Variants in CALN1 observed in about 807,000 individuals in gnomAD.
CALN1 encodes calneuron 1, also known as calcium-binding protein 8.
A neutral mutation model predicts 30.6 loss-of-function variants in CALN1; 17 were observed. The observed-to-expected ratio is 0.56, with a 90% confidence interval of 0.38 to 0.83. CALN1 has a LOEUF of 0.83. Among genes scored for constraint, CALN1 ranks in the 40% least tolerant of loss-of-function variants. CALN1 has a pLI of 0.00. For missense variants in CALN1, 291 were observed against 354.9 expected, an observed-to-expected ratio of 0.82 and a Z score of 1.45; for synonymous variants, 156 against 131.4, an observed-to-expected ratio of 1.19 and a Z score of -1.28.
rs1455817968 is a variant in CALN1 at position 72,329,778 on chromosome 7, A to AC, written c.120-50969dup. Among the ~76,000 whole-genome samples the AC allele has an allele frequency of 3.3e-5, 5 of 151,480 alleles. No homozygotes were observed. In the South Asian group the frequency reaches 6.3e-4, roughly 19 times the overall value. Reference sequence around the variant, plus strand: ...AGACCAGCGCGGCCAACATGGTGAGACCCCGTCACTACTAAAAATCCACAA... The same window carrying AC: ...AGACCAGCGCGGCCAACATGGTGAGACCCCCGTCACTACTAAAAATCCACAA... On this transcript the variant is annotated intron_variant, in intron 2 of 6. Coordinates refer to ENST00000395275, the MANE Select transcript of CALN1 (RefSeq NM_031468.4).
At chr7:72,324,695 C>T (rs1276700568) in intron 2 of CALN1, among the ~76,000 whole-genome samples, 2 of 152,070 alleles carry the variant, frequency 1.3e-5, no homozygotes, top group African/African-American at 4.8e-5. Context: ...GATTCTCCTG[C>T]CTCAGCCTCC....
intron 3 of CALN1, among the ~76,000 whole-genome samples, chr7:72,246,753 A>ATTTCTTT (rs1795191884): frequency 8.6e-6 from 1 of 116,572 alleles, no homozygotes; most frequent in Non-Finnish European, 1.7e-5. Flanking sequence ...TACCAGAACA[A>ATTTCTTT]TTTTTTTTTT....
chr7:72,413,385 T>G (rs952032144), upstream of CALN1, among the ~76,000 whole-genome samples: 1 of 151,308 alleles, frequency 6.6e-6, no homozygotes, highest in Non-Finnish European at 1.5e-5. Flanking sequence ...ACGAACATAC[T>G]CATACATGCA....
chr7:72,344,911 T>A (rs991642597), intron 2 of CALN1, among the ~76,000 whole-genome samples: 2 of 147,626 alleles, frequency 1.4e-5, no homozygotes, highest in Non-Finnish European at 3.0e-5. Context: ...CATATATAAA[T>A]GTATATGTGA....
intron 2 of CALN1, among the ~76,000 whole-genome samples, chr7:72,347,269 C>A (rs370233830): frequency 6.7e-6 from 1 of 148,812 alleles, no homozygotes. Context: ...TTTTTTGAGA[C>A]GGAGTTCCCC....
chr7:72,043,465 C>A (rs1194057653), intron 4 of CALN1, among the ~76,000 whole-genome samples: 1 of 152,120 alleles, frequency 6.6e-6, no homozygotes, highest in East Asian at 1.9e-4. Context: ...TATCAGTTAA[C>A]CATAGCAGAG....
chr7:72,073,159 T>C (rs1391769680), intron 4 of CALN1, among the ~76,000 whole-genome samples: 1 of 152,124 alleles, frequency 6.6e-6, no homozygotes, highest in Non-Finnish European at 1.5e-5. Flanking sequence ...AAAAGACAAA[T>C]ATTGCATGAT....
At chr7:71,925,108 G>C in intron 5 of CALN1, among the ~76,000 whole-genome samples, 1 of 152,060 alleles carries the variant, frequency 6.6e-6, no homozygotes, top group East Asian at 1.9e-4. Flanking sequence ...GGGCATGGTG[G>C]CACATGCTTG....
intron 4 of CALN1, among the ~76,000 whole-genome samples, chr7:72,041,253 G>GTAC (rs1802106998): frequency 1.3e-5 from 2 of 152,132 alleles, no homozygotes; most frequent in South Asian, 4.2e-4. Flanking sequence ...TTAGTCTCTA[G>GTAC]TAATGTTCAA....
intron 2 of CALN1, among the ~76,000 whole-genome samples, chr7:72,327,446 G>C (rs147989959): frequency 3.5e-4 from 53 of 152,298 alleles, no homozygotes; most frequent in African/African-American, 1.2e-3. Context: ...CTGAGATCAC[G>C]GCACTGCACT....
intron 5 of CALN1, among the ~76,000 whole-genome samples, chr7:71,974,387 C>T (rs1424332227): frequency 8.0e-6 from 1 of 124,956 alleles, no homozygotes; most frequent in Non-Finnish European, 1.6e-5. Flanking sequence ...CACTGCACTC[C>T]AGCTTGGGTG....
At chr7:72,123,001 G>T (rs1345931052) in intron 3 of CALN1, among the ~76,000 whole-genome samples, 1 of 152,152 alleles carries the variant, frequency 6.6e-6, no homozygotes, top group Non-Finnish European at 1.5e-5. Flanking sequence ...ATTTTGTTAT[G>T]GGGGAGAGAG....
intron 5 of CALN1, among the ~76,000 whole-genome samples, chr7:71,856,750 T>G (rs1282361150): frequency 6.6e-6 from 1 of 151,374 alleles, no homozygotes; most frequent in Non-Finnish European, 1.5e-5. Context: ...AGGTCAGGAG[T>G]TCAAGACCAG....
chr7:72,402,703 T>G (rs961328349), intron 2 of CALN1, among the ~76,000 whole-genome samples: 3 of 152,174 alleles, frequency 2.0e-5, no homozygotes, highest in Non-Finnish European at 4.4e-5. Flanking sequence ...CACCCCGAAC[T>G]GACCGCATCA....
intron 4 of CALN1, among the ~76,000 whole-genome samples, chr7:72,024,769 C>T (rs113923059): frequency 0.036 from 5,420 of 152,172 alleles, 356 homozygotes; most frequent in African/African-American, 0.12. Context: ...ATCTCTTTTG[C>T]ATCAATTTGT....
intron 5 of CALN1, among the ~76,000 whole-genome samples, chr7:71,945,719 G>A (rs939418574): frequency 6.6e-6 from 1 of 152,186 alleles, no homozygotes; most frequent in South Asian, 2.1e-4. Flanking sequence ...TCGTCTAGCT[G>A]CAGGAAAACA....
At chr7:72,225,384 C>A (rs987312796) in intron 3 of CALN1, among the ~76,000 whole-genome samples, 1 of 152,040 alleles carries the variant, frequency 6.6e-6, no homozygotes, top group African/African-American at 2.4e-5. Context: ...GTGCCAATTA[C>A]CATTCCCTGG....
At position 71,817,061 on chromosome 7, in the gene CALN1, C is replaced by T. The variant is rs181796010; in HGVS notation, c.502-6569G>A. On this transcript the variant is annotated intron_variant, in intron 5 of 6. Transcript: ENST00000395275. ...TAGGACATCTAAACAAAATAAGTTG[C>T]GTAGCATTCCATATATCACCTATAT... is the stretch of plus-strand genomic sequence containing the variant. Among the ~76,000 whole-genome samples, 179 of 152,194 alleles carry T rather than the reference C, an allele frequency of 1.2e-3. 2 individuals are homozygous for T. The highest frequency in any genetic ancestry group is 1.1e-3 in the Non-Finnish European group (74 of 68,018).
chr7:72,295,708 G>A (rs1216305199), intron 2 of CALN1, among the ~76,000 whole-genome samples: 1 of 150,236 alleles, frequency 6.7e-6, no homozygotes, highest in African/African-American at 2.5e-5. Flanking sequence ...TTTGTACATT[G>A]ATTTTGTATC....
Sources: allele counts gnomAD v4.1 joint callset (sites outside exome capture counted in the v4.1 genomes callset), GRCh38; gene constraint gnomAD v4.1.1; transcripts MANE v1.5; gene names NCBI Gene and HGNC (gene_info 2026-07-23, HGNC 2026-07-21).